FBP1: variants seen among roughly 807,000 people sequenced by gnomAD.
The protein encoded by FBP1 is fructose-1,6-bisphosphatase 1.
FBP1 carries 22 observed loss-of-function variants against 29.9 expected under a neutral mutation model. The ratio of observed to expected loss-of-function variants is 0.74; its 90% CI spans 0.53 to 1.05. The LOEUF is 1.05. FBP1 is among the 50% of genes least tolerant of loss of function. The probability of loss-of-function intolerance (pLI) is 0.00; values close to 1 mark genes in which losing one functional copy is unlikely to be tolerated. For missense variants in FBP1, 345 were observed against 448.2 expected (o/e 0.77, Z 2.08); for synonymous variants, 175 against 178.6 (o/e 0.98, Z 0.16).
intron 1 of FBP1, among the ~76,000 whole-genome samples, chr9:94,629,899 T>C (rs1318498475): frequency 6.6e-6 from 1 of 152,204 alleles, no homozygotes; most frequent in African/African-American, 2.4e-5. Flanking sequence ...GGAGGGCCTC[T>C]GAGCTCACCT....
At chr9:94,638,361 C>T (rs150612321) in intron 1 of FBP1, among the ~76,000 whole-genome samples, 22 of 152,308 alleles carry the variant, frequency 1.4e-4, no homozygotes, top group African/African-American at 5.3e-4. Flanking sequence ...CCAAATGATT[C>T]CTGTGCCCAG....
intron 3 of FBP1, among the ~76,000 whole-genome samples, chr9:94,612,549 A>G (rs897888558): frequency 9.3e-6 from 1 of 108,028 alleles, no homozygotes; most frequent in African/African-American, 3.4e-5. Flanking sequence ...CCAGCCCCCA[A>G]TTTTTTTTTT....
At chr9:94,616,988 C>T (rs529403733) in intron 3 of FBP1, among the ~76,000 whole-genome samples, 3 of 152,092 alleles carry the variant, frequency 2.0e-5, no homozygotes, top group South Asian at 2.1e-4. Context: ...GGTGACTGCC[C>T]GAGTCAGGTG....
intron 1 of FBP1, among the ~76,000 whole-genome samples, chr9:94,629,416 G>T (rs1828071180): frequency 6.6e-6 from 1 of 152,210 alleles, no homozygotes; most frequent in African/African-American, 2.4e-5. Flanking sequence ...CAGCTGCTTG[G>T]AAGAACTAAT....
intron 2 of FBP1, among the ~76,000 whole-genome samples, chr9:94,620,076 A>G (rs1372799536): frequency 6.6e-6 from 1 of 152,134 alleles, no homozygotes; most frequent in Non-Finnish European, 1.5e-5. Flanking sequence ...ATGGCAATAA[A>G]AAGTTAGAAA....
Position 94,620,310 on chromosome 9 carries a change from G to A in FBP1, c.333+19C>T, listed in dbSNP as rs1185720276. The A allele has an allele frequency of 1.9e-6, 3 of 1,613,208 alleles. No homozygotes were observed. Among genetic ancestry groups the A allele is most frequent in the Admixed American group, 1.7e-5 (1 of 60,024 alleles). ...GACCGGCTACATTAAAACCCTCAAT[G>A]GTGGAAGTACAGACCCACCCTTTTC... On this transcript the variant is annotated intron_variant, in intron 2 of 6. Coordinates refer to ENST00000375326, the MANE Select transcript of FBP1 (RefSeq NM_000507.4).
At chr9:94,631,076 CT>C (rs1393547613) in intron 1 of FBP1, among the ~76,000 whole-genome samples, 2 of 152,176 alleles carry the variant, frequency 1.3e-5, no homozygotes, top group African/African-American at 4.8e-5. Flanking sequence ...TAAAATCTCA[CT>C]GGGAATATTA....
At chr9:94,624,262 C>T (rs1175823765) in intron 1 of FBP1, among the ~76,000 whole-genome samples, 4 of 150,334 alleles carry the variant, frequency 2.7e-5, no homozygotes, top group Non-Finnish European at 5.9e-5. Context: ...GGCGTGAACC[C>T]GGGAGGCGGA....
intron 3 of FBP1, among the ~76,000 whole-genome samples, chr9:94,610,688 C>T (rs1163293387): frequency 6.6e-6 from 1 of 152,138 alleles, no homozygotes; most frequent in Non-Finnish European, 1.5e-5. Flanking sequence ...CACACACACA[C>T]CAAAAAGTTA....
chr9:94,628,781 G>A (rs879616295), intron 1 of FBP1, among the ~76,000 whole-genome samples: 1 of 152,032 alleles, frequency 6.6e-6, no homozygotes, highest in Admixed American at 6.6e-5. Context: ...CCAGAGACCC[G>A]GATATTTGGT....
intron 5 of FBP1, among the ~76,000 whole-genome samples, chr9:94,606,322 A>G (rs567279102): frequency 1.8e-3 from 272 of 152,272 alleles, no homozygotes; most frequent in Middle Eastern, 3.4e-3. Flanking sequence ...TCTCGAGATA[A>G]CTGATAGATG....
At chr9:94,632,997 G>A (rs1828126019) in intron 1 of FBP1, among the ~76,000 whole-genome samples, 1 of 152,332 alleles carries the variant, frequency 6.6e-6, no homozygotes, top group East Asian at 1.9e-4. Context: ...ACAGCCTGCA[G>A]CTGGACAGCA....
chr9:94,612,635 C>T (rs1827803015), intron 3 of FBP1, among the ~76,000 whole-genome samples: 1 of 144,820 alleles, frequency 6.9e-6, no homozygotes, highest in Non-Finnish European at 1.5e-5. Context: ...TGGCTCACTA[C>T]AACCTCCACC....
intron 1 of FBP1, among the ~76,000 whole-genome samples, chr9:94,623,651 C>A (rs1437684918): frequency 6.6e-6 from 1 of 152,210 alleles, no homozygotes; most frequent in Non-Finnish European, 1.5e-5. Flanking sequence ...TGCTCAGGCA[C>A]TTCCCTCAGG....
At chr9:94,627,197 A>G (rs1051621881) in intron 1 of FBP1, among the ~76,000 whole-genome samples, 23 of 151,642 alleles carry the variant, frequency 1.5e-4, no homozygotes, top group Admixed American at 1.5e-3. Flanking sequence ...TCAAAAAAAA[A>G]AAAAAAAATT....
In FBP1 at chr9:94,620,353, G is replaced by T. The variant is rs746720956; in HGVS notation, c.309C>A (p.Ala103=). 1.2e-6 allele frequency: 2 copies of T among 1,614,068 alleles called. No homozygotes were observed. Among genetic ancestry groups the T allele is most frequent in the Admixed American group, 3.3e-5 (2 of 60,010 alleles). ...CVLVSEEDKH[A]IIVEPEKRGK... ...CCCTTTTCTCCGGTTCCACTATGAT[G>T]GCGTGTTTATCTTCTTCTGACACGA... The change falls in exon 2 of 7, where the codon GCC becomes GCA. Residue 103 remains alanine (A), a synonymous_variant. Coordinates refer to ENST00000375326, the MANE Select transcript of FBP1 (RefSeq NM_000507.4).
At chr9:94,631,177 G>A (rs942445354) in intron 1 of FBP1, among the ~76,000 whole-genome samples, 15 of 152,300 alleles carry the variant, frequency 9.8e-5, no homozygotes, top group African/African-American at 2.9e-4. Flanking sequence ...CACCAGGCAG[G>A]GTTGAAGTCT....
At chr9:94,630,863 C>T (rs746329492) in intron 1 of FBP1, among the ~76,000 whole-genome samples, 1 of 152,090 alleles carries the variant, frequency 6.6e-6, no homozygotes, top group Non-Finnish European at 1.5e-5. Flanking sequence ...ATAATGCGCG[C>T]GGTGCACCTG....
At chr9:94,608,276 GAGGCTCAGCCCCGTC>G (rs1287195659) in intron 4 of FBP1, among the ~76,000 whole-genome samples, 1 of 152,190 alleles carries the variant, frequency 6.6e-6, no homozygotes, top group Non-Finnish European at 1.5e-5. Flanking sequence ...TCCCTGGCGG[GAGGCTCAGCCCCGTC>G]AGGCACCGCA....
Sources: allele counts gnomAD v4.1 joint callset (sites outside exome capture counted in the v4.1 genomes callset), GRCh38; gene constraint gnomAD v4.1.1; transcripts MANE v1.5; gene names NCBI Gene and HGNC (gene_info 2026-07-23, HGNC 2026-07-21).